The following EXOSC5 variants were observed in gnomAD, a reference collection of about 807,000 sequenced individuals.
The protein encoded by EXOSC5 is exosome component 5, also known as exosome complex component RRP46.
In EXOSC5, 15 loss-of-function variants were observed where a neutral mutation model predicts 23.7. The ratio of observed to expected loss-of-function variants is 0.63; its 90% confidence interval spans 0.42 to 0.97. EXOSC5 has a LOEUF of 0.97. Among genes scored for constraint, EXOSC5 ranks in the 50% least tolerant of loss-of-function variants. EXOSC5 has a pLI of 0.00. For synonymous variants in EXOSC5, 143 were observed against 140.9 expected (o/e 1.02, Z -0.11); for missense variants, 305 against 316.3 (o/e 0.96, Z 0.27).
chr19:41,392,763 G>T, intron 2 of EXOSC5, 104 bp downstream of exon 2: 1 of 872,224 alleles, frequency 1.1e-6, no homozygotes, highest in Non-Finnish European at 1.9e-6. Flanking sequence ...GCTGAGTGGA[G>T]ACCCAAGCGG....
intron 2 of EXOSC5, 134 bp from the exon 3 acceptor site, chr19:41,392,096 A>G: frequency 2.2e-6 from 3 of 1,333,396 alleles, no homozygotes; most frequent in Non-Finnish European, 3.0e-6. Flanking sequence ...GGGATGATGG[A>G]AGATTCCAGT....
intron 1 of EXOSC5, 57 bp downstream of exon 1, chr19:41,397,124 G>A (rs902853022): frequency 6.4e-7 from 1 of 1,560,236 alleles, no homozygotes; most frequent in South Asian, 1.2e-5. Context: ...GTGGGCACTC[G>A]GTTGCACAGT....
intron 3 of EXOSC5, among the ~76,000 whole-genome samples, 156 bp from the exon 4 acceptor site, chr19:41,390,061 T>C (rs895617652): frequency 1.3e-5 from 2 of 151,660 alleles, no homozygotes; most frequent in Non-Finnish European, 2.9e-5. Flanking sequence ...GCCTCCTGAG[T>C]AGCTGGGATT....
Position 41,389,560 on chromosome 19 carries a change from C to T in EXOSC5, c.525+205G>A, listed in dbSNP as rs528387139. On this transcript the variant is annotated intron_variant, in intron 4 of 5. Transcript: ENST00000221233. The stretch of plus-strand genomic sequence containing the variant: ...GATTACAGGCGTGAGCCACCGCTCC[C>T]GGCCCCACATTTCCTTCCTAATTAA... Among the ~76,000 whole-genome samples the T allele has an allele frequency of 3.9e-5, 6 of 152,336 alleles. No individual in the cohort carries two copies. The South Asian group carries it at 8.3e-4, about 21-fold the overall frequency.
intron 2 of EXOSC5, 51 bp downstream of exon 2, chr19:41,392,816 G>A: frequency 1.3e-6 from 2 of 1,558,212 alleles, no homozygotes; most frequent in Non-Finnish European, 8.8e-7. Context: ...AGCTGGGGGG[G>A]TGATTTTGAC....
At position 41,392,988 on chromosome 19, in the gene EXOSC5, G is replaced by C. The variant is rs2039035488; in HGVS notation, c.149-8C>G. On this transcript the variant is annotated splice_region_variant and splice_polypyrimidine_tract_variant and intron_variant, in intron 1 of 5. Coordinates refer to ENST00000221233, the MANE Select transcript of EXOSC5 (RefSeq NM_020158.4). ...CCAGGACAGAGGTGTCACCTGAGGAGACAGCAGGGAGGGCCTCACTCACAG... is the reference window on the plus strand; with the variant it reads ...CCAGGACAGAGGTGTCACCTGAGGACACAGCAGGGAGGGCCTCACTCACAG... 1 of 1,611,824 alleles carries C rather than the reference G, an allele frequency of 6.2e-7. No homozygotes were observed. The highest frequency in any genetic ancestry group is 1.3e-5 in the African/African-American group (1 of 74,986).
chr19:41,387,448 T>C, intron 5 of EXOSC5, 66 bp downstream of exon 5: 1 of 1,313,702 alleles, frequency 7.6e-7, no homozygotes, highest in Admixed American at 2.7e-5. Flanking sequence ...AGGGCAGAGT[T>C]GGGACAAGAC....
At chr19:41,389,695 C>T (rs2039008513) in intron 4 of EXOSC5, 70 bp downstream of exon 4, 23 of 1,558,594 alleles carry the variant, frequency 1.5e-5, no homozygotes, top group Admixed American at 5.9e-5. Context: ...TGTAGAGAAG[C>T]GAGGCCTGGA....
rs1269911708 is a variant in EXOSC5, at chr19:41,386,707, C to A, written c.634G>T (p.Ala212Ser). ...SDTELQQCLAAAQAASQHVFR... is the reference protein window; with the variant it reads ...SDTELQQCLASAQAASQHVFR... ...ACGTGTTGCGAAGCGGCCTGGGCCG[C>A]AGCCAGGCACTGCTGGAGCTGCGGG... is the stretch of plus-strand genomic sequence containing the variant. Residue 212 changes from alanine to serine, a missense_variant, in exon 6 of 6, where the codon GCG becomes TCG. Coordinates refer to ENST00000221233, the MANE Select transcript of EXOSC5 (RefSeq NM_020158.4). The A allele has an allele frequency of 1.3e-6, 2 of 1,598,312 alleles. No individual in the cohort carries two copies. The highest frequency in any genetic ancestry group is 1.7e-5 in the Admixed American group (1 of 57,942).
At position 41,392,900 on chromosome 19, in the gene EXOSC5, CGAGTGT is replaced by C; in HGVS notation, c.223_228del (p.Thr75_Leu76del). Reference sequence around the variant, plus strand: ...CCAATCTTCGGCCTCAGGATCACTTCGAGTGTGGCCTTGTTGAAAATCTCTTTGCTG... The same window carrying C: ...CCAATCTTCGGCCTCAGGATCACTTCGGCCTTGTTGAAAATCTCTTTGCTG... On this transcript the variant is annotated inframe_deletion, in exon 2 of 6. Transcript: ENST00000221233. 1 of 1,613,970 alleles carries C rather than the reference CGAGTGT, an allele frequency of 6.2e-7. No individual in the cohort carries two copies. Among genetic ancestry groups the C allele is most frequent in the Non-Finnish European group, 8.5e-7 (1 of 1,180,012 alleles).
intron 3 of EXOSC5, among the ~76,000 whole-genome samples, chr19:41,390,548 C>T (rs1432125931): frequency 6.6e-6 from 1 of 152,168 alleles, no homozygotes; most frequent in East Asian, 1.9e-4. Context: ...GGGGAAGAAA[C>T]CTTCCAAAGA....
At chr19:41,393,706 C>T (rs184843842) in intron 1 of EXOSC5, among the ~76,000 whole-genome samples, 11 of 151,774 alleles carry the variant, frequency 7.2e-5, no homozygotes, top group African/African-American at 1.9e-4. Context: ...ATTACAGGCG[C>T]GCGCCACCAC....
At chr19:41,388,442 T>C (rs1599938848) in intron 4 of EXOSC5, among the ~76,000 whole-genome samples, 1 of 151,756 alleles carries the variant, frequency 6.6e-6, no homozygotes, top group Non-Finnish European at 1.5e-5. Flanking sequence ...GCCATGGAGG[T>C]GGGGTGGGTT....
intron 4 of EXOSC5, among the ~76,000 whole-genome samples, chr19:41,388,347 A>G (rs10423332): frequency 0.026 from 3,912 of 152,280 alleles, 169 homozygotes; most frequent in African/African-American, 0.089. Context: ...AGTTTCCATC[A>G]GTAATGAGGT....
intron 1 of EXOSC5, among the ~76,000 whole-genome samples, chr19:41,393,234 G>A (rs2039037418): frequency 1.3e-5 from 2 of 152,228 alleles, no homozygotes. Context: ...CACGCTGAAT[G>A]TGCAACAGAC....
At chr19:41,388,888 C>T (rs1196745053) in intron 4 of EXOSC5, among the ~76,000 whole-genome samples, 1 of 152,120 alleles carries the variant, frequency 6.6e-6, no homozygotes, top group East Asian at 1.9e-4. Flanking sequence ...AGCTGATGTG[C>T]AGAGAAAGGC....
Position 41,387,519 on chromosome 19 carries a change from T to A in EXOSC5, c.610A>T (p.Thr204Ser). ...MSSTKGLYSD[T>S]ELQQCLAAAQ... ...CCTCATCCCCATGCTGGTACCTCAG[T>A]GTCTGAGTAGAGCCCCTTGGTGCTG... The change falls in exon 5 of 6, where the codon ACT becomes TCT. Residue 204 changes from threonine to serine, a missense_variant. Thr to Ser is a moderately conservative substitution (Grantham distance 58, BLOSUM62 1). Transcript: ENST00000221233. 1 of 1,598,914 alleles carries A rather than the reference T, an allele frequency of 6.3e-7. No individual in the cohort carries two copies. The highest frequency in any genetic ancestry group is 1.1e-5 in the South Asian group (1 of 87,930).
Position 41,391,924 on chromosome 19 carries a change from T to C in EXOSC5, c.301A>G (p.Thr101Ala), listed in dbSNP as rs770459860. ...GTGCCCAGCACCACCGCCTCGCACG[T>C]GTTCCTGATCAGCCGCTCCCGGCTC... ...EKSRERLIRN[T>A]CEAVVLGTLH... is the part of the protein sequence containing the mutation. Residue 101 changes from threonine (T) to alanine (A), a missense_variant, in exon 3 of 6, where the codon ACG becomes GCG. Thr to Ala is a moderately conservative substitution (Grantham distance 58). Coordinates refer to ENST00000221233, the MANE Select transcript of EXOSC5 (RefSeq NM_020158.4). 3 of 1,579,832 alleles carry C rather than the reference T, an allele frequency of 1.9e-6. No individual in the cohort carries two copies. The South Asian group carries it at 3.5e-5, about 18-fold the overall frequency.
chr19:41,394,149 G>A (rs1270598955), intron 1 of EXOSC5, among the ~76,000 whole-genome samples: 1 of 152,084 alleles, frequency 6.6e-6, no homozygotes, highest in Non-Finnish European at 1.5e-5. Context: ...AGGCTGAGGT[G>A]GGTGGATCAC....
Sources: allele counts gnomAD v4.1 joint callset (sites outside exome capture counted in the v4.1 genomes callset), GRCh38; gene constraint gnomAD v4.1.1; transcripts MANE v1.5; gene names NCBI Gene and HGNC (gene_info 2026-07-23, HGNC 2026-07-21).